KLF8: variants seen among roughly 807,000 people sequenced by gnomAD.
The protein encoded by KLF8 is KLF transcription factor 8, also known as Krueppel-like factor 8.
KLF8 carries 10 observed loss-of-function variants against 18.2 expected under a neutral mutation model. The observed-to-expected ratio is 0.55, with a 90% CI of 0.34 to 0.93. The LOEUF (loss-of-function observed/expected upper bound fraction) is 0.93. Ranked by LOEUF, KLF8 falls within the 40% of genes least tolerant of loss-of-function variation. The pLI is 0.02. For missense variants in KLF8, 264 were observed against 277.9 expected, an observed-to-expected ratio of 0.95 and a Z score of 0.36; for synonymous variants, 109 against 97.3, an observed-to-expected ratio of 1.12 and a Z score of -0.71.
At chrX:55,978,684 A>G in the KLF8 span, among the ~76,000 whole-genome samples, 3 of 111,624 alleles carry the variant, frequency 2.7e-5, no homozygotes, top group Admixed American at 1.9e-4. Flanking sequence ...ATGCATACCT[A>G]GAAACAACCT....
chrX:56,060,787 A>G, the KLF8 span, among the ~76,000 whole-genome samples: 1 of 111,164 alleles, frequency 9.0e-6, no homozygotes, highest in Non-Finnish European at 1.9e-5. Context: ...TCCTCTTTGT[A>G]CCTCTGGTAG....
chrX:55,942,261 G>T, the KLF8 span, among the ~76,000 whole-genome samples: 4 of 110,094 alleles, frequency 3.6e-5, no homozygotes, highest in African/African-American at 1.3e-4. Flanking sequence ...GCAAACTATC[G>T]CAAGGACAAA....
the KLF8 span, among the ~76,000 whole-genome samples, chrX:56,047,270 T>A: frequency 9.0e-6 from 1 of 110,583 alleles, no homozygotes. Context: ...TTTTCGTTTT[T>A]TTATTATTAT....
chrX:55,952,065 G>A, the KLF8 span, among the ~76,000 whole-genome samples: 22 of 111,981 alleles, frequency 2.0e-4, no homozygotes, highest in African/African-American at 7.1e-4. Flanking sequence ...AATTTGGTAA[G>A]CTATTTCTTG....
the KLF8 span, among the ~76,000 whole-genome samples, chrX:55,918,896 G>T: frequency 8.9e-6 from 1 of 111,793 alleles, no homozygotes; most frequent in East Asian, 2.8e-4. Flanking sequence ...AGTACTGATG[G>T]CTAGGACTTC....
chrX:56,111,646 C>A, the KLF8 span, among the ~76,000 whole-genome samples: 2 of 111,866 alleles, frequency 1.8e-5, no homozygotes, highest in Non-Finnish European at 3.8e-5. Context: ...AAAAAACAAA[C>A]AACCCTATCA....
intron 5 of KLF8, among the ~76,000 whole-genome samples, chrX:56,270,874 A>T (rs1303647632): frequency 9.0e-6 from 1 of 111,660 alleles, no homozygotes; most frequent in Non-Finnish European, 1.9e-5. Flanking sequence ...ACCGAACAGC[A>T]CATACCTGAT....
chrX:56,205,450 A>T, the KLF8 span, among the ~76,000 whole-genome samples: 7 of 111,642 alleles, frequency 6.3e-5, no homozygotes, highest in Admixed American at 6.7e-4. Context: ...CATTCTGTTG[A>T]TATTATGTAT....
intron 1 of KLF8, chrX:56,243,297 T>G (rs1207284284): frequency 5.1e-6 from 2 of 389,876 alleles, no homozygotes; most frequent in Admixed American, 2.9e-5. Context: ...ATCTTCTTTT[T>G]TGTGTGTGTG....
chrX:55,938,991 C>G, the KLF8 span, among the ~76,000 whole-genome samples: 3 of 111,642 alleles, frequency 2.7e-5, 1 homozygote, highest in African/African-American at 6.5e-5. Flanking sequence ...ACAGGGATGT[C>G]TAGGAAATGA....
chrX:56,259,455 A>G (rs2066854015), intron 2 of KLF8, among the ~76,000 whole-genome samples: 1 of 109,606 alleles, frequency 9.1e-6, no homozygotes, highest in Non-Finnish European at 1.9e-5. Flanking sequence ...TTTTCCCCAC[A>G]CTGTTTTTTC....
At chrX:55,929,976 A>G in the KLF8 span, among the ~76,000 whole-genome samples, 1 of 110,253 alleles carries the variant, frequency 9.1e-6, no homozygotes, top group African/African-American at 3.3e-5. Flanking sequence ...CTTGGGCAGT[A>G]TGGCCATTTT....
chrX:56,270,379 CACGA>C, intron 5 of KLF8, 58 bp downstream of exon 5: 32 of 944,086 alleles, frequency 3.4e-5, no homozygotes, highest in Middle Eastern at 4.8e-4. Context: ...CACACACACA[CACGA>C]GAGAGAGAGA....
At chrX:56,179,118 G>A in the KLF8 span, among the ~76,000 whole-genome samples, 110 of 111,524 alleles carry the variant, frequency 9.9e-4, 3 homozygotes, top group Admixed American at 3.8e-4. Flanking sequence ...ATCCATTAGC[G>A]TGGAATGTTC....
chrX:56,061,520 T>C, the KLF8 span, among the ~76,000 whole-genome samples: 4 of 112,099 alleles, frequency 3.6e-5, no homozygotes, highest in Non-Finnish European at 7.5e-5. Flanking sequence ...TGCACTGTGG[T>C]CTGTCAGGCT....
chrX:56,191,143 C>T, the KLF8 span, among the ~76,000 whole-genome samples: 1 of 111,361 alleles, frequency 9.0e-6, no homozygotes, highest in Non-Finnish European at 1.9e-5. Context: ...AATGATACTA[C>T]AGAAATTCAA....
At chrX:56,020,609 C>T in the KLF8 span, among the ~76,000 whole-genome samples, 1 of 111,683 alleles carries the variant, frequency 9.0e-6, no homozygotes, top group East Asian at 2.8e-4. Context: ...AAAGGAAGAA[C>T]AAGTTTTAGT....
At chrX:56,185,286 G>A in the KLF8 span, among the ~76,000 whole-genome samples, 6 of 111,642 alleles carry the variant, frequency 5.4e-5, no homozygotes, top group Non-Finnish European at 1.1e-4. Context: ...GATAGAAGAT[G>A]AAATGAATGA....
At chrX:56,079,977 C>CT in the KLF8 span, among the ~76,000 whole-genome samples, 1 of 110,667 alleles carries the variant, frequency 9.0e-6, no homozygotes, top group South Asian at 3.9e-4. Context: ...CAACCCCTGC[C>CT]TTTTTTTGTT....
Sources: allele counts gnomAD v4.1 joint callset (sites outside exome capture counted in the v4.1 genomes callset), GRCh38; gene constraint gnomAD v4.1.1; transcripts MANE v1.5; gene names NCBI Gene and HGNC (gene_info 2026-07-23, HGNC 2026-07-21).